Variants in CNTN6 observed in about 807,000 individuals in gnomAD.
CNTN6 encodes the protein contactin 6, also known as contactin-6.
A neutral mutation model predicts 122.8 loss-of-function variants in CNTN6; 137 were observed. The observed-to-expected ratio is 1.12, with a 90% CI of 0.97 to 1.29. CNTN6 has a LOEUF of 1.29. CNTN6 is among the 50% of genes most tolerant of loss of function. The pLI is 0.00. For missense variants in CNTN6, 1,634 were observed against 1,223.4 expected (o/e 1.34, Z -5.01); for synonymous variants, 570 against 426.0 (o/e 1.34, Z -4.16).
chr3:1,299,756 G>A (rs1000010155), intron 7 of CNTN6, among the ~76,000 whole-genome samples: 20 of 152,182 alleles, frequency 1.3e-4, no homozygotes, highest in Non-Finnish European at 1.5e-4. Context: ...AATCCTGGGA[G>A]ACAGATTCAA....
intron 4 of CNTN6, among the ~76,000 whole-genome samples, chr3:1,240,548 A>T (rs1246887816): frequency 1.4e-4 from 21 of 152,134 alleles, no homozygotes; most frequent in Admixed American, 1.4e-3. Flanking sequence ...GATGTGGTGA[A>T]AAGGGAACAG....
intron 1 of CNTN6, among the ~76,000 whole-genome samples, chr3:1,134,636 T>C (rs1382953721): frequency 6.6e-6 from 1 of 152,150 alleles, no homozygotes; most frequent in Admixed American, 6.6e-5. Flanking sequence ...TCCTCTGTGG[T>C]TACAGGAAAG....
chr3:1,326,040 A>G (rs1701499034), intron 9 of CNTN6, 89 bp downstream of exon 9: 2 of 1,111,786 alleles, frequency 1.8e-6, no homozygotes, highest in African/African-American at 3.2e-5. Context: ...GAAACAGCTA[A>G]TGTTAATGGA....
chr3:1,318,113 GAAAGA>G (rs1700358122), intron 7 of CNTN6, among the ~76,000 whole-genome samples: 1 of 151,440 alleles, frequency 6.6e-6, no homozygotes, highest in Non-Finnish European at 1.5e-5. Context: ...AAGAAAGAAA[GAAAGA>G]AGAGAGAGAA....
chr3:1,352,401 C>A lies in CNTN6; in HGVS notation c.1442C>A (p.Ala481Asp). The change falls in exon 12 of 23, where the codon GCC becomes GAC. Residue 481 changes from alanine to aspartate, a missense_variant. Physicochemically the swap from Ala to Asp is moderately radical, Grantham distance 126. Coordinates refer to ENST00000446702, the MANE Select transcript of CNTN6 (RefSeq NM_001289080.2). ...GATGCTGGATCATATACATGCATAG[C>A]CACAAATCAGTTTGGCACTGCAAAG... is the stretch of plus-strand genomic sequence containing the variant. ...RSDAGSYTCI[A>D]TNQFGTAKNT... The A allele has an allele frequency of 3.7e-6, 6 of 1,608,228 alleles. No homozygotes were observed. The highest frequency in any genetic ancestry group is 4.3e-6 in the Non-Finnish European group (5 of 1,176,234).
intron 1 of CNTN6, among the ~76,000 whole-genome samples, chr3:1,142,913 C>T (rs994516291): frequency 6.9e-5 from 10 of 145,400 alleles, no homozygotes; most frequent in Non-Finnish European, 1.4e-4. Context: ...CATGCATATA[C>T]ATATTATAGA....
chr3:1,295,812 A>G lies in CNTN6; in HGVS notation c.658+8A>G. The G allele has an allele frequency of 6.2e-7, 1 of 1,610,154 alleles. No homozygotes were observed. On this transcript the variant is annotated splice_region_variant and intron_variant, in intron 6 of 22. Transcript: ENST00000446702. ...TAGTGCAGCGCACTGATGGTAAGAT[A>G]ATGAGTTATCTTGGGAATGTACTTT... is the stretch of plus-strand genomic sequence containing the variant.
chr3:1,380,005 G>A (rs773524673), intron 17 of CNTN6, among the ~76,000 whole-genome samples: 17 of 152,164 alleles, frequency 1.1e-4, no homozygotes, highest in African/African-American at 1.9e-4. Context: ...GCTCAGAAGC[G>A]TAGAGGACAG....
chr3:1,352,564 T>G, intron 12 of CNTN6, 113 bp downstream of exon 12: 1 of 1,249,796 alleles, frequency 8.0e-7, no homozygotes, highest in Non-Finnish European at 1.1e-6. Context: ...ATTGTTGATT[T>G]CACAAGTTAT....
chr3:1,327,459 G>A lies in CNTN6; in HGVS notation c.1086G>A (p.Glu362=), dbSNP rs1190851541. ...LKNGERLNPE[E]RIQIENGTLI... ...TTATATGCCTTTTCCTTTATTAGGAGAGAATTCAAATAGAAAATGGGACAC... is the reference window on the plus strand; with the variant it reads ...TTATATGCCTTTTCCTTTATTAGGAAAGAATTCAAATAGAAAATGGGACAC... Residue 362 remains glutamate, a splice_region_variant and synonymous_variant, in exon 10 of 23, where the codon GAG becomes GAA. Transcript: ENST00000446702. 1 of 1,609,872 alleles carries A rather than the reference G, an allele frequency of 6.2e-7. No individual in the cohort carries two copies. The highest frequency in any genetic ancestry group is 8.5e-7 in the Non-Finnish European group (1 of 1,177,522).
intron 1 of CNTN6, among the ~76,000 whole-genome samples, chr3:1,115,774 A>C (rs912712186): frequency 6.6e-6 from 1 of 152,112 alleles, no homozygotes; most frequent in Admixed American, 6.6e-5. Flanking sequence ...TAAATAAACA[A>C]ACAAAAGAAC....
rs192968653 is a variant in CNTN6 at position 1,332,850 on chromosome 3, T to C, written c.1364+2915T>C. Among the ~76,000 whole-genome samples, 97 of 152,164 alleles carry C rather than the reference T, an allele frequency of 6.4e-4. 1 individual carries two copies. The highest frequency in any genetic ancestry group is 3.4e-3 in the Middle Eastern group (1 of 294). On this transcript the variant is annotated intron_variant, in intron 11 of 22. Transcript: ENST00000446702. ...GAACCATTACGTGGTAGCCAAATTCTTTTTTCCCTGATCAGAACCCCCTCT... is the reference window on the plus strand; with the variant it reads ...GAACCATTACGTGGTAGCCAAATTCCTTTTTCCCTGATCAGAACCCCCTCT...
At chr3:1,261,284 A>C (rs2094842443) in intron 4 of CNTN6, among the ~76,000 whole-genome samples, 1 of 152,162 alleles carries the variant, frequency 6.6e-6, no homozygotes, top group African/African-American at 2.4e-5. Flanking sequence ...GTATTCTCAG[A>C]AGTATGGTGA....
At chr3:1,337,192 T>C (rs75616954) in intron 11 of CNTN6, among the ~76,000 whole-genome samples, 3,325 of 152,248 alleles carry the variant, frequency 0.022, 51 homozygotes, top group South Asian at 0.045. Context: ...ACACAGCCAT[T>C]GCCCAATACT....
chr3:1,368,836 C>T (rs901540712), intron 12 of CNTN6, among the ~76,000 whole-genome samples: 11 of 152,106 alleles, frequency 7.2e-5, no homozygotes, highest in Middle Eastern at 3.4e-3. Flanking sequence ...TATTTTAAAG[C>T]GAAAAGCTTT....
intron 2 of CNTN6, among the ~76,000 whole-genome samples, chr3:1,176,378 C>T (rs898760356): frequency 3.9e-5 from 6 of 152,126 alleles, no homozygotes; most frequent in Admixed American, 6.6e-5. Flanking sequence ...GATCGTGCAC[C>T]GCACCTGGGC....
intron 5 of CNTN6, among the ~76,000 whole-genome samples, 190 bp from the exon 6 acceptor site, chr3:1,295,411 G>A (rs561141): frequency 0.022 from 3,278 of 152,062 alleles, 112 homozygotes; most frequent in African/African-American, 0.074. Context: ...ATAATTTATC[G>A]TCCAATCTGA....
At chr3:1,200,341 T>C (rs2093844910) in intron 2 of CNTN6, among the ~76,000 whole-genome samples, 1 of 152,172 alleles carries the variant, frequency 6.6e-6, no homozygotes, top group African/African-American at 2.4e-5. Flanking sequence ...GCTCAGCATG[T>C]ATTTTTAATT....
intron 2 of CNTN6, among the ~76,000 whole-genome samples, chr3:1,210,039 C>T (rs78878014): frequency 0.066 from 9,970 of 152,120 alleles, 403 homozygotes; most frequent in Middle Eastern, 0.11. Context: ...TATTTTTGAA[C>T]ATAGCTGACA....
Sources: gnomAD v4.1 joint callset for allele counts (sites outside exome capture counted in the v4.1 genomes callset) on GRCh38, gnomAD v4.1.1 for gene constraint, MANE v1.5 for transcripts, NCBI Gene and HGNC (gene_info 2026-07-23, HGNC 2026-07-21) for gene names.